RANBP17: variants seen among roughly 807,000 people sequenced by gnomAD.
RANBP17 encodes RAN binding protein 17, also known as ran-binding protein 17.
RANBP17 carries 158 observed loss-of-function variants against 141.2 expected under a neutral mutation model. The observed-to-expected ratio is 1.12, with a 90% CI of 0.98 to 1.28. The LOEUF (loss-of-function observed/expected upper bound fraction) is 1.28. Among genes scored for constraint, RANBP17 ranks in the 50% most tolerant of loss-of-function variants. The probability of loss-of-function intolerance (pLI) is 0.00; values close to 1 mark genes in which losing one functional copy is unlikely to be tolerated. For synonymous variants in RANBP17, 430 were observed against 450.0 expected (o/e 0.96, Z 0.56); for missense variants, 1,438 against 1,290.7 (o/e 1.11, Z -1.75).
At chr5:171,071,097 T>C (rs996591114) in intron 14 of RANBP17, among the ~76,000 whole-genome samples, 2 of 152,114 alleles carry the variant, frequency 1.3e-5, no homozygotes, top group Non-Finnish European at 2.9e-5. Context: ...TCCAAAAAGA[T>C]TGAACCAATT....
chr5:171,052,750 A>C (rs1336107387), intron 14 of RANBP17, among the ~76,000 whole-genome samples: 1 of 152,210 alleles, frequency 6.6e-6, no homozygotes, highest in Non-Finnish European at 1.5e-5. Context: ...CTGTTTCTAC[A>C]AAAATGCCAT....
intron 8 of RANBP17, among the ~76,000 whole-genome samples, chr5:170,914,987 G>A (rs1005343490): frequency 3.3e-5 from 5 of 152,070 alleles, no homozygotes; most frequent in Non-Finnish European, 1.5e-5. Context: ...AGGGAGGAAA[G>A]CATTCACAGA....
At chr5:171,234,952 A>G (rs530453340) in intron 22 of RANBP17, among the ~76,000 whole-genome samples, 2 of 152,286 alleles carry the variant, frequency 1.3e-5, no homozygotes, top group East Asian at 1.9e-4. Flanking sequence ...CACACCTACT[A>G]CAACTAGGGG....
intron 14 of RANBP17, among the ~76,000 whole-genome samples, chr5:171,027,328 T>A (rs749251156): frequency 6.6e-6 from 1 of 152,198 alleles, no homozygotes; most frequent in Non-Finnish European, 1.5e-5. Flanking sequence ...ATTTTTGTCC[T>A]TTCAGCATTG....
intron 21 of RANBP17, among the ~76,000 whole-genome samples, chr5:171,220,254 C>G (rs1361267180): frequency 6.6e-6 from 1 of 151,920 alleles, no homozygotes; most frequent in Admixed American, 6.6e-5. Flanking sequence ...CTAATCTTTC[C>G]TCTGGGAAGC....
intron 14 of RANBP17, among the ~76,000 whole-genome samples, chr5:171,031,724 T>C (rs1196132007): frequency 6.6e-6 from 1 of 152,032 alleles, no homozygotes; most frequent in East Asian, 1.9e-4. Context: ...AACCCTTTCA[T>C]ACCTCCTGAG....
At chr5:171,097,571 C>T (rs1786780487) in intron 14 of RANBP17, among the ~76,000 whole-genome samples, 1 of 150,326 alleles carries the variant, frequency 6.7e-6, no homozygotes, top group Admixed American at 6.6e-5. Context: ...AGTCCCATAG[C>T]TACTAAGCGG....
intron 14 of RANBP17, among the ~76,000 whole-genome samples, chr5:171,164,638 C>T (rs1304945635): frequency 6.6e-6 from 1 of 152,078 alleles, no homozygotes; most frequent in Non-Finnish European, 1.5e-5. Context: ...TATATTAAAA[C>T]AGTTTTTTAA....
intron 12 of RANBP17, among the ~76,000 whole-genome samples, chr5:170,946,035 A>G (rs1036131451): frequency 2.6e-5 from 4 of 152,104 alleles, no homozygotes; most frequent in Non-Finnish European, 2.9e-5. Flanking sequence ...CCTTTTACCA[A>G]TCTTGAGAGG....
At chr5:171,275,508 C>T (rs562434823) in intron 25 of RANBP17, among the ~76,000 whole-genome samples, 12 of 152,194 alleles carry the variant, frequency 7.9e-5, no homozygotes, top group African/African-American at 2.6e-4. Flanking sequence ...GTTTACATTT[C>T]GGAGAATGAA....
chr5:171,030,702 A>G (rs1158518250), intron 14 of RANBP17, among the ~76,000 whole-genome samples: 2 of 152,082 alleles, frequency 1.3e-5, no homozygotes, highest in Admixed American at 1.3e-4. Context: ...CATCCACATT[A>G]AAGTGTGTAT....
At chr5:171,109,713 C>T (rs980534238) in intron 14 of RANBP17, among the ~76,000 whole-genome samples, 4 of 152,060 alleles carry the variant, frequency 2.6e-5, no homozygotes, top group Admixed American at 2.6e-4. Context: ...AGAGAAAGTC[C>T]ATATATGTTC....
chr5:170,913,360 G>C (rs1159659170), intron 7 of RANBP17, among the ~76,000 whole-genome samples: 1 of 151,910 alleles, frequency 6.6e-6, no homozygotes, highest in Non-Finnish European at 1.5e-5. Flanking sequence ...GAATGCAAAT[G>C]ATGGGTTATT....
chr5:171,252,355 A>G, intron 24 of RANBP17: 1 of 1,538,448 alleles, frequency 6.5e-7, no homozygotes, highest in Non-Finnish European at 9.0e-7. Flanking sequence ...AACATTAACT[A>G]ATGAAACCAG....
intron 3 of RANBP17, among the ~76,000 whole-genome samples, chr5:170,890,756 G>T (rs1769527019): frequency 6.6e-6 from 1 of 152,192 alleles, no homozygotes; most frequent in Non-Finnish European, 1.5e-5. Context: ...GCTCATAACT[G>T]AATTTGCTAT....
intron 12 of RANBP17, among the ~76,000 whole-genome samples, chr5:170,928,480 C>G (rs144415807): frequency 6.6e-6 from 1 of 152,096 alleles, no homozygotes; most frequent in Non-Finnish European, 1.5e-5. Context: ...TATATTGAGG[C>G]CTGTGATCCA....
At chr5:171,172,528 AACTC>A (rs1044271829) in intron 16 of RANBP17, among the ~76,000 whole-genome samples, 1 of 151,630 alleles carries the variant, frequency 6.6e-6, no homozygotes, top group African/African-American at 2.4e-5. Context: ...TTAAAAAAAA[AACTC>A]AACCCATATT....
intron 14 of RANBP17, among the ~76,000 whole-genome samples, chr5:171,164,474 C>CT (rs1440190586): frequency 1.3e-5 from 2 of 152,038 alleles, no homozygotes; most frequent in Non-Finnish European, 2.9e-5. Flanking sequence ...ATCTTTTAAG[C>CT]TACTTGCAAA....
chr5:170,954,544 A>ACC lies in RANBP17; in HGVS notation c.1574+845_1574+846dup, dbSNP rs1554141006. On this transcript the variant is annotated intron_variant, in intron 13 of 27. Coordinates refer to ENST00000523189, the MANE Select transcript of RANBP17 (RefSeq NM_022897.5). Reference sequence around the variant, plus strand: ...CACACACACACACACACACACACACACCCCAACCCCACCCACCCACCTCAA... The same window carrying ACC: ...CACACACACACACACACACACACACACCCCCCAACCCCACCCACCCACCTCAA... Among the ~76,000 whole-genome samples, 1,179 of 125,406 alleles carry ACC rather than the reference A, an allele frequency of 9.4e-3. 12 individuals carry two copies. Among genetic ancestry groups the ACC allele is most frequent in the Non-Finnish European group, 0.015 (898 of 61,122 alleles). The allele number at this position is 125,406 out of a possible 152,430, so 82.3% of individuals were successfully genotyped here.
Sources: allele counts gnomAD v4.1 joint callset (sites outside exome capture counted in the v4.1 genomes callset), GRCh38; gene constraint gnomAD v4.1.1; transcripts MANE v1.5; gene names NCBI Gene and HGNC (gene_info 2026-07-23, HGNC 2026-07-21).